The following B3GALT1 variants were observed in gnomAD, a reference collection of about 807,000 sequenced individuals.
B3GALT1 encodes beta-1,3-galactosyltransferase 1.
A neutral mutation model predicts 23.2 loss-of-function variants in B3GALT1; 10 were observed. That is an observed-to-expected ratio of 0.43 (90% CI 0.27 to 0.73). The LOEUF (loss-of-function observed/expected upper bound fraction) is 0.73, where lower values mean the gene tolerates loss of function less well. Among genes scored for constraint, B3GALT1 ranks in the 30% least tolerant of loss-of-function variants. The pLI is 0.21. For synonymous variants in B3GALT1, 156 were observed against 141.5 expected (o/e 1.10, Z -0.73); for missense variants, 299 against 405.4 (o/e 0.74, Z 2.25).
At chr2:167,462,738 A>G (rs571770678) in intron 1 of B3GALT1, among the ~76,000 whole-genome samples, 2 of 152,280 alleles carry the variant, frequency 1.3e-5, no homozygotes, top group African/African-American at 2.4e-5. Flanking sequence ...CACTTTCACC[A>G]TTCTGAAGAT....
At chr2:167,321,591 T>C (rs747448434) in intron 1 of B3GALT1, among the ~76,000 whole-genome samples, 3 of 152,042 alleles carry the variant, frequency 2.0e-5, no homozygotes, top group Non-Finnish European at 2.9e-5. Context: ...CAGCAATCCA[T>C]TGATTCTTTA....
At chr2:167,296,859 A>G (rs537197769) in intron 1 of B3GALT1, among the ~76,000 whole-genome samples, 6 of 152,250 alleles carry the variant, frequency 3.9e-5, no homozygotes, top group African/African-American at 1.4e-4. Context: ...TATAGTGATA[A>G]CTTATATAGA....
intron 3 of B3GALT1, among the ~76,000 whole-genome samples, chr2:167,809,624 T>A (rs919783418): frequency 9.2e-5 from 14 of 152,200 alleles, no homozygotes; most frequent in African/African-American, 3.4e-4. Context: ...CAGATGTTGC[T>A]GCCTGATCGT....
intron 3 of B3GALT1, among the ~76,000 whole-genome samples, chr2:167,732,115 C>T (rs1687419361): frequency 6.6e-6 from 1 of 152,126 alleles, no homozygotes; most frequent in Admixed American, 6.5e-5. Context: ...AACCTGATGC[C>T]ATTGTGATAA....
chr2:167,359,630 T>G (rs571316958), intron 1 of B3GALT1, among the ~76,000 whole-genome samples: 1 of 152,354 alleles, frequency 6.6e-6, no homozygotes, highest in Admixed American at 6.5e-5. Context: ...CCATGACAAT[T>G]TTAATCCAAG....
intron 3 of B3GALT1, among the ~76,000 whole-genome samples, chr2:167,672,248 A>G (rs991325351): frequency 6.6e-6 from 1 of 152,122 alleles, no homozygotes; most frequent in Admixed American, 6.5e-5. Flanking sequence ...AGATATTGTC[A>G]TGTTAGCCCT....
At chr2:167,537,585 A>G (rs990287140) in intron 2 of B3GALT1, among the ~76,000 whole-genome samples, 3 of 152,106 alleles carry the variant, frequency 2.0e-5, no homozygotes, top group East Asian at 1.9e-4. Flanking sequence ...GAAGCCAAAC[A>G]TAAGAGTCAT....
At chr2:167,809,344 G>C (rs1225925638) in intron 3 of B3GALT1, among the ~76,000 whole-genome samples, 1 of 152,166 alleles carries the variant, frequency 6.6e-6, no homozygotes, top group Admixed American at 6.5e-5. Context: ...CATTCCTTTG[G>C]AGGAGGAGGG....
intron 1 of B3GALT1, among the ~76,000 whole-genome samples, chr2:167,416,236 G>A (rs1318019399): frequency 6.6e-6 from 1 of 152,174 alleles, no homozygotes; most frequent in Non-Finnish European, 1.5e-5. Context: ...ACAGACTCAG[G>A]CCTGCTGCCC....
chr2:167,801,320 G>A (rs780466828), intron 3 of B3GALT1, among the ~76,000 whole-genome samples: 101 of 152,174 alleles, frequency 6.6e-4, no homozygotes, highest in African/African-American at 2.4e-3. Context: ...AGACATAGGA[G>A]ATGGAAGAAA....
Position 167,663,049 on chromosome 2 carries a change from A to G in B3GALT1, c.-352+16083A>G, listed in dbSNP as rs528371452. 1.4e-4 allele frequency among the ~76,000 whole-genome samples: 21 copies of G among 151,512 alleles called. No homozygotes were observed. The South Asian group carries it at 3.1e-3, about 23-fold the overall frequency. ...ATGTATACATGTGTCATGCTGGTGCACTGCACACACTAACTCATCATCTAG... is the reference window on the plus strand; with the variant it reads ...ATGTATACATGTGTCATGCTGGTGCGCTGCACACACTAACTCATCATCTAG... On this transcript the variant is annotated intron_variant, in intron 3 of 4. Transcript: ENST00000392690.
rs1558965632 is a variant in B3GALT1 at position 167,743,777 on chromosome 2, G to A, written c.-351-74895G>A. On this transcript the variant is annotated intron_variant, in intron 3 of 4. Transcript: ENST00000392690. ...ACAGTTTTTACAAAGAAACAACTTTGGCTGTGTTGACCATCTATTTTAATC... is the reference window on the plus strand; with the variant it reads ...ACAGTTTTTACAAAGAAACAACTTTAGCTGTGTTGACCATCTATTTTAATC... Among the ~76,000 whole-genome samples, 6 of 152,056 alleles carry A rather than the reference G, an allele frequency of 3.9e-5. No individual in the cohort carries two copies. In the East Asian group the frequency reaches 1.2e-3, roughly 29 times the overall value.
chr2:167,670,642 C>T (rs983380860), intron 3 of B3GALT1, among the ~76,000 whole-genome samples: 2 of 152,004 alleles, frequency 1.3e-5, no homozygotes, highest in African/African-American at 4.8e-5. Context: ...TAAGCAAACA[C>T]AGATAACTCA....
At chr2:167,690,426 A>T (rs1686692742) in intron 3 of B3GALT1, among the ~76,000 whole-genome samples, 1 of 152,080 alleles carries the variant, frequency 6.6e-6, no homozygotes, top group Admixed American at 6.5e-5. Context: ...AAAGAAAGTG[A>T]AGTAATATTT....
Position 167,869,010 on chromosome 2 carries a change from A to G in B3GALT1, c.-30A>G. ...CTAGTGCCAAGGAGGCGTATTCTTC[A>G]ATATTTGGAATAGACGTGTTCTCAA... is the stretch of plus-strand genomic sequence containing the variant. On this transcript the variant is annotated 5_prime_UTR_variant, in exon 5 of 5. Transcript: ENST00000392690. The surrounding 1 kb of genome is among the most constrained non-coding windows in gnomAD (Gnocchi z 6.4). The G allele has an allele frequency of 6.5e-7, 1 of 1,548,278 alleles. No homozygotes were observed.
At chr2:167,652,812 C>T (rs892660304) in intron 3 of B3GALT1, among the ~76,000 whole-genome samples, 2 of 152,122 alleles carry the variant, frequency 1.3e-5, no homozygotes, top group Admixed American at 6.5e-5. Context: ...AGGTATGCTA[C>T]CTATAAATAT....
chr2:167,862,109 T>TTAGGATTCTCCAGAGAAA (rs1690114263), intron 4 of B3GALT1, among the ~76,000 whole-genome samples: 1 of 152,140 alleles, frequency 6.6e-6, no homozygotes, highest in Non-Finnish European at 1.5e-5. Flanking sequence ...TTGCCTATAG[T>TTAGGATTCTCCAGAGAAA]TAGGATTCTC....
rs772171041 is a variant in B3GALT1, at chr2:167,870,027, T to C, written c.*7T>C. 2.5e-6 allele frequency: 4 copies of C among 1,581,580 alleles called. No individual in the cohort carries two copies. The highest frequency in any genetic ancestry group is 3.4e-6 in the Non-Finnish European group (4 of 1,161,020). On this transcript the variant is annotated 3_prime_UTR_variant, in exon 5 of 5. Coordinates refer to ENST00000392690, the MANE Select transcript of B3GALT1 (RefSeq NM_020981.4). ...GAAACATCTCAGATGTTAGGATTTT[T>C]ACCAATGTAAATATGTTTCTTTTCT... is the stretch of plus-strand genomic sequence containing the variant.
chr2:167,803,466 C>T (rs746955191), intron 3 of B3GALT1, among the ~76,000 whole-genome samples: 1 of 152,090 alleles, frequency 6.6e-6, no homozygotes, highest in East Asian at 1.9e-4. Context: ...AGTTTTCTGT[C>T]GTCCCTGAGA....
Sources: gnomAD v4.1 joint callset for allele counts (sites outside exome capture counted in the v4.1 genomes callset) on GRCh38, gnomAD v4.1.1 for gene constraint, Gnocchi (gnomAD v3.1) non-coding constraint, MANE v1.5 for transcripts, NCBI Gene and HGNC (gene_info 2026-07-23, HGNC 2026-07-21) for gene names.